The following ADGRV1 variants were observed in gnomAD, a reference collection of about 807,000 sequenced individuals.
ADGRV1 encodes G-protein coupled receptor 98.
ADGRV1 carries 359 observed loss-of-function variants against 596.2 expected under a neutral mutation model. That is an observed-to-expected ratio of 0.60 (90% CI 0.55 to 0.66). ADGRV1 has a LOEUF of 0.66. Among genes scored for constraint, ADGRV1 ranks in the 30% least tolerant of loss-of-function variants. The probability of loss-of-function intolerance (pLI) is 0.00; values close to 1 mark genes in which losing one functional copy is unlikely to be tolerated. For synonymous variants in ADGRV1, 2,681 were observed against 2,679.2 expected (o/e 1.00, Z -0.02); for missense variants, 7,274 against 7,575.6 (o/e 0.96, Z 1.48).
intron 73 of ADGRV1, among the ~76,000 whole-genome samples, chr5:90,809,031 C>T (rs1361693115): frequency 6.6e-6 from 1 of 150,470 alleles, no homozygotes; most frequent in African/African-American, 2.4e-5. Flanking sequence ...ACTGCAAGCT[C>T]CGCCTCCCGG....
chr5:90,793,320 T>C (rs1760289084), intron 70 of ADGRV1: 1 of 152,214 alleles, frequency 6.6e-6, no homozygotes, highest in Non-Finnish European at 1.5e-5. Flanking sequence ...CGAAACATTT[T>C]CCCATGTATT....
chr5:90,694,311 T>C lies in ADGRV1; in HGVS notation c.7555T>C (p.Phe2519Leu), dbSNP rs2149641747. Residue 2519 changes from phenylalanine to leucine, a missense_variant, in exon 33 of 90, where the codon TTC becomes CTC. By Grantham distance (22) the Phe-to-Leu change is conservative (BLOSUM62 0). Transcript: ENST00000405460. ...QWAIMQEGDEFANLTVSILPD... is the reference protein window; with the variant it reads ...QWAIMQEGDELANLTVSILPD... ...GGCCATAATGCAGGAAGGTGATGAA[T>C]TCGCAAATCTCACAGTGTCTATTCT... 1 of 1,613,968 alleles carries C rather than the reference T, an allele frequency of 6.2e-7. No individual in the cohort carries two copies. The highest frequency in any genetic ancestry group is 8.5e-7 in the Non-Finnish European group (1 of 1,179,874).
intron 70 of ADGRV1, 148 bp from the exon 71 acceptor site, chr5:90,802,591 G>A (rs1307911821): frequency 4.7e-6 from 3 of 642,920 alleles, no homozygotes; most frequent in African/African-American, 3.7e-5. Context: ...ACATACTGGT[G>A]GTTTGTTTTG....
chr5:91,014,692 T>C (rs1783035795), intron 85 of ADGRV1, among the ~76,000 whole-genome samples: 1 of 151,948 alleles, frequency 6.6e-6, no homozygotes, highest in African/African-American at 2.4e-5. Flanking sequence ...GGTGTGTTTG[T>C]AGTAGTTTCT....
chr5:90,997,945 G>C (rs776443518), intron 85 of ADGRV1, among the ~76,000 whole-genome samples: 7 of 152,204 alleles, frequency 4.6e-5, no homozygotes, highest in Non-Finnish European at 1.0e-4. Context: ...ATATGTATAA[G>C]TCTATGAATG....
chr5:90,977,868 C>G (rs184917369), intron 84 of ADGRV1, among the ~76,000 whole-genome samples: 1 of 152,160 alleles, frequency 6.6e-6, no homozygotes, highest in Non-Finnish European at 1.5e-5. Flanking sequence ...GCCTGAATTA[C>G]TAATTCTGAA....
At chr5:90,771,873 A>G (rs1261696236) in intron 59 of ADGRV1, among the ~76,000 whole-genome samples, 2 of 152,168 alleles carry the variant, frequency 1.3e-5, no homozygotes, top group African/African-American at 4.8e-5. Context: ...ACACTTTAAT[A>G]TACTGAATTC....
intron 83 of ADGRV1, among the ~76,000 whole-genome samples, chr5:90,908,012 GGTTAA>G (rs907371416): frequency 9.9e-5 from 15 of 151,932 alleles, no homozygotes; most frequent in Admixed American, 2.0e-4. Flanking sequence ...TGCCATGCCA[GGTTAA>G]GTTTTCTATT....
chr5:90,696,249 GC>G (rs1430782961), intron 33 of ADGRV1, among the ~76,000 whole-genome samples: 1 of 152,070 alleles, frequency 6.6e-6, no homozygotes, highest in Admixed American at 6.6e-5. Flanking sequence ...ATTCTGTGGT[GC>G]CCTATCTACT....
At chr5:90,776,815 A>T (rs1330737083) in intron 61 of ADGRV1, among the ~76,000 whole-genome samples, 1 of 152,178 alleles carries the variant, frequency 6.6e-6, no homozygotes, top group Non-Finnish European at 1.5e-5. Flanking sequence ...TGCACAAATT[A>T]CACCAAGGAA....
intron 1 of ADGRV1, among the ~76,000 whole-genome samples, chr5:90,595,016 G>A (rs1760087038): frequency 6.8e-6 from 1 of 146,310 alleles, no homozygotes; most frequent in Admixed American, 6.7e-5. Context: ...TCCCAGACGG[G>A]GTGGTGGCCG....
At chr5:91,145,983 A>C (rs1795504052) in intron 87 of ADGRV1, among the ~76,000 whole-genome samples, 1 of 152,192 alleles carries the variant, frequency 6.6e-6, no homozygotes, top group African/African-American at 2.4e-5. Flanking sequence ...ATACCAACAG[A>C]GGTAAGTTTC....
At chr5:90,596,343 C>G (rs574658836) in intron 1 of ADGRV1, among the ~76,000 whole-genome samples, 2 of 145,474 alleles carry the variant, frequency 1.4e-5, no homozygotes, top group African/African-American at 5.2e-5. Flanking sequence ...ACATCCCAGA[C>G]GATGGGCGGC....
chr5:91,133,674 A>G lies in ADGRV1; in HGVS notation c.18433-16356A>G, dbSNP rs1212904277. Among the ~76,000 whole-genome samples, 3 of 152,236 alleles carry G rather than the reference A, an allele frequency of 2.0e-5. No homozygotes were observed. The South Asian group carries it at 6.2e-4, about 32-fold the overall frequency. Reference sequence around the variant, plus strand: ...CTCTGATATAGTGTGTGGCACATACATAAACGCAATGAGATAGAAATCACC... The same window carrying G: ...CTCTGATATAGTGTGTGGCACATACGTAAACGCAATGAGATAGAAATCACC... On this transcript the variant is annotated intron_variant, in intron 87 of 89. Transcript: ENST00000405460.
intron 87 of ADGRV1, among the ~76,000 whole-genome samples, chr5:91,113,122 C>A (rs531884190): frequency 6.6e-6 from 1 of 152,250 alleles, no homozygotes; most frequent in African/African-American, 2.4e-5. Flanking sequence ...TAACTACCAT[C>A]ACATTCCTTG....
chr5:90,752,760 T>A (rs1370421120), intron 53 of ADGRV1, among the ~76,000 whole-genome samples: 3 of 152,234 alleles, frequency 2.0e-5, no homozygotes, highest in Non-Finnish European at 4.4e-5. Context: ...GTATGTTCAT[T>A]GCAACACTCT....
chr5:90,618,109 G>A (rs1297711550), intron 3 of ADGRV1, among the ~76,000 whole-genome samples, 156 bp downstream of exon 3: 19 of 152,152 alleles, frequency 1.2e-4, no homozygotes, highest in Admixed American at 1.2e-3. Context: ...CCTCTTCAGC[G>A]CTTCCACAAT....
chr5:91,112,953 AAGTG>A (rs1191236725), intron 87 of ADGRV1, among the ~76,000 whole-genome samples: 6 of 152,322 alleles, frequency 3.9e-5, no homozygotes, highest in African/African-American at 1.4e-4. Context: ...GAGCAAAAAG[AAGTG>A]TTTATCTCAG....
chr5:90,844,826 G>C (rs770011091), intron 78 of ADGRV1, among the ~76,000 whole-genome samples: 8 of 152,128 alleles, frequency 5.3e-5, no homozygotes, highest in Non-Finnish European at 1.0e-4. Context: ...TTCCATGGTT[G>C]ATTCAGGTCT....
Sources: gnomAD v4.1 joint callset for allele counts (sites outside exome capture counted in the v4.1 genomes callset) on GRCh38, gnomAD v4.1.1 for gene constraint, MANE v1.5 for transcripts, NCBI Gene and HGNC (gene_info 2026-07-23, HGNC 2026-07-21) for gene names.